TRIB3: variants seen among roughly 807,000 people sequenced by gnomAD.
TRIB3 encodes the protein tribbles pseudokinase 3.
In TRIB3, 20 loss-of-function variants were observed where a neutral mutation model predicts 16.6. The ratio of observed to expected loss-of-function variants is 1.20; its 90% confidence interval spans 0.85 to 1.75. The LOEUF (loss-of-function observed/expected upper bound fraction) is 1.75, where lower values mean the gene tolerates loss of function less well. TRIB3 is among the 40% of genes most tolerant of loss of function. The probability of loss-of-function intolerance (pLI) is 0.00; values close to 1 mark genes in which losing one functional copy is unlikely to be tolerated. For missense variants in TRIB3, 484 were observed against 488.9 expected (o/e 0.99, Z 0.10); for synonymous variants, 208 against 217.0 (o/e 0.96, Z 0.36).
intron 3 of TRIB3, among the ~76,000 whole-genome samples, chr20:394,143 G>A (rs1249379564): frequency 6.7e-6 from 1 of 150,270 alleles, no homozygotes; most frequent in East Asian, 2.0e-4. Flanking sequence ...TGATTCTCGT[G>A]CCTCAGCCTC....
At chr20:393,256 C>T (rs2015029252) in intron 3 of TRIB3, among the ~76,000 whole-genome samples, 1 of 152,116 alleles carries the variant, frequency 6.6e-6, no homozygotes, top group Non-Finnish European at 1.5e-5. Context: ...CCAATTTAGT[C>T]ATCAGTGGTT....
At chr20:386,445 G>A (rs1048787127) in intron 1 of TRIB3, among the ~76,000 whole-genome samples, 13 of 152,070 alleles carry the variant, frequency 8.5e-5, no homozygotes, top group African/African-American at 2.9e-4. Flanking sequence ...GTCTTGCTCT[G>A]TCACCCAGGC....
At chr20:392,404 G>C (rs1231911920) in intron 3 of TRIB3, among the ~76,000 whole-genome samples, 1 of 152,120 alleles carries the variant, frequency 6.6e-6, no homozygotes, top group Non-Finnish European at 1.5e-5. Context: ...CGTTGGTAAG[G>C]AAAAGGGCTG....
chr20:382,099 C>CTGTGTGTGTGTGTGTG lies in TRIB3; in HGVS notation c.-1+943_-1+958dup, dbSNP rs5839857. ...ACCATGGGTGTGACAGCTGGGAGGG[C>CTGTGTGTGTGTGTGTG]TGTGTGTGTGTGTGTGTGTGTGTGT... On this transcript the variant is annotated intron_variant, in intron 1 of 3. Transcript: ENST00000217233. Among the ~76,000 whole-genome samples, 269 of 142,330 alleles carry CTGTGTGTGTGTGTGTG rather than the reference C, an allele frequency of 1.9e-3. 3 individuals are homozygous for CTGTGTGTGTGTGTGTG. The highest frequency in any genetic ancestry group is 7.5e-4 in the Non-Finnish European group (48 of 64,248). The allele number at this position is 142,330 out of a possible 152,430, so 93.4% of individuals were successfully genotyped here. A position where few individuals can be genotyped will look rare whatever the true frequency, so the allele number is the denominator to read the frequency against.
chr20:385,437 T>G (rs1438545561), intron 1 of TRIB3: 1 of 151,128 alleles, frequency 6.6e-6, no homozygotes, highest in Admixed American at 6.6e-5. Flanking sequence ...TTTTAACTTT[T>G]CACTTTTTTT....
intron 1 of TRIB3, among the ~76,000 whole-genome samples, chr20:387,554 G>GA (rs11330051): frequency 1.3e-3 from 179 of 139,468 alleles, no homozygotes; most frequent in South Asian, 3.1e-3. Context: ...ATCTCTTGGG[G>GA]AAAAAAAAAA....
rs1274664497 is a variant in TRIB3, at chr20:388,140, C to T, written c.130C>T (p.Pro44Ser). The T allele has an allele frequency of 4.3e-6, 7 of 1,613,564 alleles. No homozygotes were observed. The highest frequency in any genetic ancestry group is 5.9e-6 in the Non-Finnish European group (7 of 1,179,952). Residue 44 changes from proline to serine, a missense_variant, in exon 2 of 4, where the codon CCC becomes TCC. Transcript: ENST00000217233. ...RARSGPQPRL[P>S]PCLLPLSPPT... ...TCGAAGTGGGCCCCAGCCCAGACTG[C>T]CCCCCTGCCTGTTGCCCCTGAGCCC...
At chr20:390,434 A>G (rs547732254) in intron 2 of TRIB3, among the ~76,000 whole-genome samples, 1 of 152,338 alleles carries the variant, frequency 6.6e-6, no homozygotes, top group East Asian at 1.9e-4. Context: ...GCATGTTTGC[A>G]TGGCCTCCCA....
At chr20:383,283 A>G (rs1016645459) in intron 1 of TRIB3, among the ~76,000 whole-genome samples, 2 of 152,226 alleles carry the variant, frequency 1.3e-5, no homozygotes, top group Non-Finnish European at 2.9e-5. Context: ...TAATTTATGT[A>G]ACCAGCCCTG....
chr20:386,945 G>A (rs2014830379), intron 1 of TRIB3, among the ~76,000 whole-genome samples: 1 of 151,772 alleles, frequency 6.6e-6, no homozygotes, highest in South Asian at 2.1e-4. Flanking sequence ...TAGAGACAGG[G>A]TTTCACCATG....
At chr20:385,860 A>ATT (rs567380598) in intron 1 of TRIB3, 3,428 of 134,304 alleles carry the variant, frequency 0.026, 75 homozygotes, top group Non-Finnish European at 0.038. Flanking sequence ...ACTGTATGTG[A>ATT]TTTTTTTTTT....
rs780848346 is a variant in TRIB3 at position 382,608 on chromosome 20, G to A, written c.-1+1439G>A. On this transcript the variant is annotated intron_variant, in intron 1 of 3. Coordinates refer to ENST00000217233, the MANE Select transcript of TRIB3 (RefSeq NM_021158.5). ...TGAGTGCTAATAATGACCATTTCCT[G>A]ACACCTACCTGGCAACAGGTCCATA... 12 of 1,527,436 alleles carry A rather than the reference G, an allele frequency of 7.9e-6. 1 individual carries two copies. In the African/African-American group the frequency reaches 1.6e-4, roughly 21 times the overall value. 94.6% of individuals were successfully genotyped at this position (1,527,436 alleles called of 1,614,324 possible). A position where few individuals can be genotyped will look rare whatever the true frequency, so the allele number is the denominator to read the frequency against.
chr20:391,581 T>A lies in TRIB3; in HGVS notation c.584+2T>A. On this transcript the variant is annotated splice_donor_variant, in intron 3 of 3. Transcript: ENST00000217233. LOFTEE classifies it high-confidence loss of function. ...CTTTGTCTTCGCTGACCGTGAGAGGTGAGTGTGGTCTCAGAGACCCCAGCC... is the reference window on the plus strand; with the variant it reads ...CTTTGTCTTCGCTGACCGTGAGAGGAGAGTGTGGTCTCAGAGACCCCAGCC... 1 of 1,603,916 alleles carries A rather than the reference T, an allele frequency of 6.2e-7. No individual in the cohort carries two copies. The highest frequency in any genetic ancestry group is 1.1e-5 in the South Asian group (1 of 90,862).
chr20:388,097 T>C lies in TRIB3; in HGVS notation c.87T>C (p.Arg29=). The C allele has an allele frequency of 1.2e-6, 2 of 1,614,092 alleles. No homozygotes were observed. The highest frequency in any genetic ancestry group is 1.7e-6 in the Non-Finnish European group (2 of 1,180,030). ...TGGATGACAACTTAGATACCGAGCG[T>C]CCCGTCCAGAAACGAGCTCGAAGTG... ...LELDDNLDTE[R]PVQKRARSGP... Residue 29 remains arginine, a synonymous_variant, in exon 2 of 4, where the codon CGT becomes CGC. Transcript: ENST00000217233.
intron 1 of TRIB3, among the ~76,000 whole-genome samples, chr20:384,424 CG>C (rs1568532155): frequency 6.6e-6 from 1 of 152,020 alleles, no homozygotes; most frequent in African/African-American, 2.4e-5. Flanking sequence ...AGTGCAGTGG[CG>C]AGATCTCAGC....
At chr20:394,203 G>C (rs1161583360) in intron 3 of TRIB3, among the ~76,000 whole-genome samples, 3 of 151,850 alleles carry the variant, frequency 2.0e-5, no homozygotes, top group Non-Finnish European at 1.5e-5. Flanking sequence ...GCTAATTTTT[G>C]TATTTTTAGT....
At chr20:381,751 G>T (rs1256330191) in intron 1 of TRIB3, among the ~76,000 whole-genome samples, 1 of 152,176 alleles carries the variant, frequency 6.6e-6, no homozygotes, top group Non-Finnish European at 1.5e-5. Context: ...CTGGAGCGGG[G>T]GAGCCGAGGG....
chr20:386,478 G>A (rs139463711), intron 1 of TRIB3, among the ~76,000 whole-genome samples: 10 of 152,058 alleles, frequency 6.6e-5, no homozygotes, highest in Admixed American at 2.0e-4. Flanking sequence ...GCACAATCTC[G>A]GCTCATTACA....
intron 1 of TRIB3, among the ~76,000 whole-genome samples, chr20:387,524 T>A (rs1247373718): frequency 6.6e-6 from 1 of 151,520 alleles, no homozygotes; most frequent in African/African-American, 2.4e-5. Flanking sequence ...GGCCACGAGT[T>A]TGAGACCAGC....
Sources: allele counts gnomAD v4.1 joint callset (sites outside exome capture counted in the v4.1 genomes callset), GRCh38; gene constraint gnomAD v4.1.1; transcripts MANE v1.5; gene names NCBI Gene and HGNC (gene_info 2026-07-23, HGNC 2026-07-21).